Variants in INSYN2B observed in about 807,000 individuals in gnomAD.
INSYN2B encodes protein INSYN2B.
INSYN2B carries 16 observed loss-of-function variants against 41.2 expected under a neutral mutation model. The ratio of observed to expected loss-of-function variants is 0.39; its 90% CI spans 0.26 to 0.59. The LOEUF (loss-of-function observed/expected upper bound fraction) is 0.59. Among genes scored for constraint, INSYN2B ranks in the 20% least tolerant of loss-of-function variants. The pLI is 0.57. For missense variants in INSYN2B, 608 were observed against 646.4 expected, an observed-to-expected ratio of 0.94 and a Z score of 0.64; for synonymous variants, 245 against 244.4, an observed-to-expected ratio of 1.00 and a Z score of -0.02.
Position 169,883,690 on chromosome 5 carries a change from G to GCTT in INSYN2B, c.206_208dup (p.Gln69_Ala70insGlu). 6.4e-7 allele frequency: 1 copy of GCTT among 1,551,256 alleles called. No individual in the cohort carries two copies. Among genetic ancestry groups the GCTT allele is most frequent in the Non-Finnish European group, 8.7e-7 (1 of 1,146,734 alleles). ...GGTGGGGGGAAGATGGTGCCTGGTT[G>GCTT]CTTGAGTCTTCCCCATCACAGCCGG... On this transcript the variant is annotated inframe_insertion, in exon 2 of 4. Coordinates refer to ENST00000377365, the MANE Select transcript of INSYN2B (RefSeq NM_001129891.3).
chr5:169,950,382 CA>C (rs764421669), intron 1 of INSYN2B, among the ~76,000 whole-genome samples: 33 of 152,312 alleles, frequency 2.2e-4, no homozygotes, highest in Non-Finnish European at 4.1e-4. Context: ...ACTCAAAAAA[CA>C]GTAGTATTAT....
intron 1 of INSYN2B, among the ~76,000 whole-genome samples, chr5:169,918,232 G>A (rs1471978225): frequency 6.6e-6 from 1 of 152,118 alleles, no homozygotes; most frequent in East Asian, 1.9e-4. Context: ...GTTTTGTCTA[G>A]GACAGTCCCA....
Position 169,883,790 on chromosome 5 carries a change from CCTG to C in INSYN2B, c.106_108del (p.Gln36del). ...GTGGTCCCATCTTCCTTGAATCTCA[CCTG>C]CTGGGATTTGCTCCTGCGGTGGTGA... On this transcript the variant is annotated inframe_deletion, in exon 2 of 4. Transcript: ENST00000377365. 1 of 1,551,624 alleles carries C rather than the reference CCTG, an allele frequency of 6.4e-7. No homozygotes were observed.
intron 1 of INSYN2B, among the ~76,000 whole-genome samples, chr5:169,886,032 G>A (rs1271260688): frequency 6.6e-6 from 1 of 152,106 alleles, no homozygotes; most frequent in Non-Finnish European, 1.5e-5. Flanking sequence ...GCCCTTTTGG[G>A]ATCTGCATGA....
intron 1 of INSYN2B, among the ~76,000 whole-genome samples, chr5:169,970,035 A>T (rs1777443365): frequency 6.6e-6 from 1 of 152,240 alleles, no homozygotes; most frequent in Non-Finnish European, 1.5e-5. Context: ...CTTTTTGAGG[A>T]TCTCTGGCTA....
chr5:169,866,633 T>C (rs546860295), intron 3 of INSYN2B, among the ~76,000 whole-genome samples: 37 of 152,354 alleles, frequency 2.4e-4, no homozygotes, highest in Non-Finnish European at 4.3e-4. Flanking sequence ...CCAGTGAATC[T>C]GTGTCCTCAG....
chr5:169,936,692 C>T (rs914978983), intron 1 of INSYN2B, among the ~76,000 whole-genome samples: 4 of 151,430 alleles, frequency 2.6e-5, no homozygotes, highest in Non-Finnish European at 5.9e-5. Context: ...CAAAAACCTC[C>T]TCCTGGGGGG....
intron 1 of INSYN2B, among the ~76,000 whole-genome samples, chr5:169,935,807 A>G (rs1775966506): frequency 6.6e-6 from 1 of 152,210 alleles, no homozygotes; most frequent in Non-Finnish European, 1.5e-5. Flanking sequence ...AAAATCAGAC[A>G]TTTCTGGTAG....
At chr5:169,978,819 G>A (rs1039353437) in intron 1 of INSYN2B, among the ~76,000 whole-genome samples, 5 of 152,138 alleles carry the variant, frequency 3.3e-5, no homozygotes, top group African/African-American at 1.2e-4. Flanking sequence ...AAGTGCCTGC[G>A]ATGATTGCAC....
rs139507149 is a variant in INSYN2B at position 169,886,551 on chromosome 5, A to G, written c.-918-1735T>C. On this transcript the variant is annotated intron_variant, in intron 1 of 3. Coordinates refer to ENST00000377365, the MANE Select transcript of INSYN2B (RefSeq NM_001129891.3). Reference sequence around the variant, plus strand: ...CCCAATTCCCTAGTCCATAATAGTTATTTTCATTAATAGTAACAAATATGT... The same window carrying G: ...CCCAATTCCCTAGTCCATAATAGTTGTTTTCATTAATAGTAACAAATATGT... Among the ~76,000 whole-genome samples, 835 of 152,238 alleles carry G rather than the reference A, an allele frequency of 5.5e-3. 7 individuals are homozygous for G. Among genetic ancestry groups the G allele is most frequent in the African/African-American group, 0.017 (707 of 41,536 alleles).
At chr5:169,901,625 G>A (rs10053333) in intron 1 of INSYN2B, among the ~76,000 whole-genome samples, 4,561 of 152,254 alleles carry the variant, frequency 0.03, 227 homozygotes, top group African/African-American at 0.1. Context: ...GTAAGATGAT[G>A]AGAACTGGAT....
At chr5:169,977,383 C>T (rs962644357) in intron 1 of INSYN2B, among the ~76,000 whole-genome samples, 6 of 152,220 alleles carry the variant, frequency 3.9e-5, no homozygotes, top group African/African-American at 1.4e-4. Context: ...AGCTAATCTG[C>T]ATAGCTTCTC....
At chr5:169,900,385 G>A (rs193089339) in intron 1 of INSYN2B, among the ~76,000 whole-genome samples, 3 of 152,294 alleles carry the variant, frequency 2.0e-5, no homozygotes, top group East Asian at 1.9e-4. Flanking sequence ...GAGTCTAGAC[G>A]TGAAATGGAA....
chr5:169,933,386 G>A (rs1168547515), intron 1 of INSYN2B, among the ~76,000 whole-genome samples: 1 of 152,208 alleles, frequency 6.6e-6, no homozygotes, highest in East Asian at 1.9e-4. Flanking sequence ...AGATGGGCTG[G>A]CATCCAAGGT....
At chr5:169,895,270 C>T (rs966291516) in intron 1 of INSYN2B, among the ~76,000 whole-genome samples, 1 of 152,170 alleles carries the variant, frequency 6.6e-6, no homozygotes, top group East Asian at 1.9e-4. Context: ...CTTCTTTCTC[C>T]TTTCCTCCCT....
intron 1 of INSYN2B, among the ~76,000 whole-genome samples, chr5:169,948,370 G>A (rs567638309): frequency 5.3e-5 from 8 of 152,178 alleles, no homozygotes; most frequent in African/African-American, 1.7e-4. Flanking sequence ...GAGATGGGTA[G>A]GGGGAGAATG....
At chr5:169,957,210 T>A (rs563818300) in intron 1 of INSYN2B, among the ~76,000 whole-genome samples, 1 of 152,354 alleles carries the variant, frequency 6.6e-6, no homozygotes, top group African/African-American at 2.4e-5. Flanking sequence ...AATGAATGAA[T>A]GAATTAATTA....
intron 1 of INSYN2B, among the ~76,000 whole-genome samples, chr5:169,972,236 C>T (rs1316779400): frequency 6.6e-6 from 1 of 152,166 alleles, no homozygotes; most frequent in African/African-American, 2.4e-5. Flanking sequence ...ATAGATTGTT[C>T]CTGCTTATTA....
At chr5:169,938,425 T>C (rs1776087320) in intron 1 of INSYN2B, among the ~76,000 whole-genome samples, 1 of 152,238 alleles carries the variant, frequency 6.6e-6, no homozygotes, top group South Asian at 2.1e-4. Context: ...AGGTAGAGCC[T>C]ATTGCTCCTA....
Sources: allele counts gnomAD v4.1 joint callset (sites outside exome capture counted in the v4.1 genomes callset), GRCh38; gene constraint gnomAD v4.1.1; transcripts MANE v1.5; gene names NCBI Gene and HGNC (gene_info 2026-07-23, HGNC 2026-07-21).